The following TCF12 variants were observed in gnomAD, a reference collection of about 807,000 sequenced individuals.
TCF12 encodes transcription factor 12, also known as DNA-binding protein HTF4.
A neutral mutation model predicts 86.0 loss-of-function variants in TCF12; 45 were observed. That is an observed-to-expected ratio of 0.52 (90% CI 0.41 to 0.67). TCF12 has a LOEUF of 0.67. Among genes scored for constraint, TCF12 ranks in the 30% least tolerant of loss-of-function variants. TCF12 has a pLI of 0.00. For synonymous variants in TCF12, 330 were observed against 299.6 expected, an observed-to-expected ratio of 1.10 and a Z score of -1.05; for missense variants, 881 against 859.9, an observed-to-expected ratio of 1.02 and a Z score of -0.31.
intron 6 of TCF12, among the ~76,000 whole-genome samples, chr15:57,180,173 A>G (rs1197217593): frequency 1.3e-5 from 2 of 152,178 alleles, no homozygotes; most frequent in African/African-American, 4.8e-5. Flanking sequence ...TAGAAAATTA[A>G]CAGAAGACTG....
Position 57,113,161 on chromosome 15 carries a change from TC to T in TCF12, c.325+21274del, listed in dbSNP as rs765758528. On this transcript the variant is annotated intron_variant, in intron 5 of 20. Coordinates refer to ENST00000333725, the MANE Select transcript of TCF12 (RefSeq NM_207037.2). ...CCAAGTATCCCACACTCTGGCCATA[TC>T]CCCGTGACTCCCTATTTCTAGAGCT... Among the ~76,000 whole-genome samples, 51 of 152,290 alleles carry T rather than the reference TC, an allele frequency of 3.3e-4. 1 individual carries two copies. The highest frequency in any genetic ancestry group is 2.1e-4 in the South Asian group (1 of 4,824).
At position 57,253,256 on chromosome 15, in the gene TCF12, A is replaced by G. The variant is rs371793182; in HGVS notation, c.1261-6A>G. The G allele has an allele frequency of 4.8e-5, 78 of 1,613,720 alleles. No homozygotes were observed. The African/African-American group carries it at 9.5e-4, about 20-fold the overall frequency. On this transcript the variant is annotated splice_region_variant and splice_polypyrimidine_tract_variant and intron_variant, in intron 15 of 20. Transcript: ENST00000333725. The stretch of plus-strand genomic sequence containing the variant: ...AACCACCATGTTTTTTTTTTAATCC[A>G]TACAGCAGTCTCGAATGGAGGATCG...
chr15:57,257,679 G>A (rs55935388), intron 16 of TCF12, among the ~76,000 whole-genome samples: 2 of 140,344 alleles, frequency 1.4e-5, no homozygotes, highest in Non-Finnish European at 3.0e-5. Flanking sequence ...AAAAAAAAGT[G>A]TATATATATA....
intron 5 of TCF12, among the ~76,000 whole-genome samples, chr15:57,160,027 C>T (rs1221076230): frequency 6.6e-6 from 1 of 152,206 alleles, no homozygotes; most frequent in Non-Finnish European, 1.5e-5. Flanking sequence ...ACATTATTTT[C>T]TATTGATAAC....
intron 18 of TCF12, among the ~76,000 whole-genome samples, chr15:57,272,675 A>T (rs1279401262): frequency 1.1e-4 from 17 of 152,352 alleles, no homozygotes; most frequent in African/African-American, 4.1e-4. Flanking sequence ...ACAAGCTCCC[A>T]GTAATGCTGA....
chr15:57,273,086 A>G lies in TCF12; in HGVS notation c.1802A>G (p.Glu601Gly). 3 of 1,614,254 alleles carry G rather than the reference A, an allele frequency of 1.9e-6. No individual in the cohort carries two copies. Among genetic ancestry groups the G allele is most frequent in the Non-Finnish European group, 2.5e-6 (3 of 1,180,036 alleles). ...GAACAGAAGATAGAAAGGGAGAAGG[A>G]GAGGCGGATGGCTAACAATGCCAGA... ...NPEQKIEREKERRMANNARER... is the reference protein window; with the variant it reads ...NPEQKIEREKGRRMANNARER... The change falls in exon 19 of 21, where the codon GAG becomes GGG. Residue 601 changes from glutamate (E) to glycine (G), a missense_variant. This residue lies in a region of TCF12 where 46 missense variants were observed against 76.7 expected (regional missense o/e 0.60). Coordinates refer to ENST00000333725, the MANE Select transcript of TCF12 (RefSeq NM_207037.2).
chr15:57,032,621 T>G (rs776238054), intron 3 of TCF12, among the ~76,000 whole-genome samples: 4 of 152,114 alleles, frequency 2.6e-5, no homozygotes, highest in Non-Finnish European at 5.9e-5. Flanking sequence ...ATTTTAAAAT[T>G]TTTTGTAGAG....
chr15:57,127,455 A>G (rs546408609), intron 5 of TCF12, among the ~76,000 whole-genome samples: 19 of 152,296 alleles, frequency 1.2e-4, no homozygotes, highest in Non-Finnish European at 2.8e-4. Context: ...AACCTATAAT[A>G]GAGTAGCGTT....
chr15:57,252,387 T>G, intron 14 of TCF12, 34 bp from the exon 15 acceptor site: 1 of 1,578,122 alleles, frequency 6.3e-7, no homozygotes, highest in Non-Finnish European at 8.7e-7. Flanking sequence ...TCTTAACCTG[T>G]GCTTTGCCTC....
intron 3 of TCF12, among the ~76,000 whole-genome samples, chr15:57,027,972 T>C (rs1403276643): frequency 6.6e-6 from 1 of 152,130 alleles, no homozygotes; most frequent in Non-Finnish European, 1.5e-5. Context: ...GTTTCTTTTT[T>C]TTTTCTTTTG....
At chr15:56,925,240 G>GCCCCCCCCCCCCCCCCCC (rs11465192) in intron 3 of TCF12, among the ~76,000 whole-genome samples, 36 of 136,258 alleles carry the variant, frequency 2.6e-4, no homozygotes, top group Non-Finnish European at 4.1e-4. Context: ...GGTGTCCACC[G>GCCCCCCCCCCCCCCCCCC]CCCCCCCACC....
intron 6 of TCF12, among the ~76,000 whole-genome samples, chr15:57,188,898 C>A (rs1379466469): frequency 6.6e-6 from 1 of 152,192 alleles, no homozygotes; most frequent in Admixed American, 6.5e-5. Flanking sequence ...AGCGATCTTC[C>A]CACCTCAGCC....
intron 4 of TCF12, among the ~76,000 whole-genome samples, chr15:57,077,144 A>G (rs2070141436): frequency 6.6e-6 from 1 of 152,068 alleles, no homozygotes; most frequent in Non-Finnish European, 1.5e-5. Flanking sequence ...TTCTTTGCAT[A>G]TATATATTGA....
chr15:57,206,793 T>A (rs1053050932), intron 8 of TCF12, among the ~76,000 whole-genome samples: 2 of 151,680 alleles, frequency 1.3e-5, no homozygotes, highest in South Asian at 4.2e-4. Context: ...ACCATTTTTT[T>A]TCCTGTTCCA....
At chr15:57,241,311 C>CG (rs1216838454) in intron 12 of TCF12, among the ~76,000 whole-genome samples, 1 of 151,922 alleles carries the variant, frequency 6.6e-6, no homozygotes, top group Admixed American at 6.6e-5. Context: ...AGGCTGGTCT[C>CG]GAACTCCTGA....
In TCF12 at chr15:57,139,336, G is replaced by A. The variant is rs189402790; in HGVS notation, c.326-27066G>A. Among the ~76,000 whole-genome samples, 13 of 152,134 alleles carry A rather than the reference G, an allele frequency of 8.5e-5. 1 individual carries two copies. In the East Asian group the frequency reaches 1.7e-3, roughly 20 times the overall value. On this transcript the variant is annotated intron_variant, in intron 5 of 20. Coordinates refer to ENST00000333725, the MANE Select transcript of TCF12 (RefSeq NM_207037.2). ...TAATTACATACACTAAATTTTCAAA[G>A]CAAAGACCTAATGTTCTATTGTATA...
intron 13 of TCF12, chr15:57,247,108 C>T (rs192039514): frequency 3.5e-5 from 20 of 573,294 alleles, no homozygotes; most frequent in East Asian, 3.1e-4. Context: ...CCACCACCAC[C>T]GTAGTTACCA....
At chr15:57,257,819 C>G (rs1348877447) in intron 16 of TCF12, among the ~76,000 whole-genome samples, 13 of 151,988 alleles carry the variant, frequency 8.6e-5, no homozygotes, top group African/African-American at 3.1e-4. Flanking sequence ...TTTCCTTGTT[C>G]TCATTAGTAT....
At chr15:57,007,229 G>A (rs1192569814) in intron 3 of TCF12, among the ~76,000 whole-genome samples, 1 of 152,122 alleles carries the variant, frequency 6.6e-6, no homozygotes, top group East Asian at 1.9e-4. Context: ...AAACCATGTA[G>A]ATGAAAATAA....
Sources: gnomAD v4.1 joint callset for allele counts (sites outside exome capture counted in the v4.1 genomes callset) on GRCh38, gnomAD v4.1.1 for gene constraint, gnomAD v4.1.1 regional missense constraint, MANE v1.5 for transcripts, NCBI Gene and HGNC (gene_info 2026-07-23, HGNC 2026-07-21) for gene names.